The following CNTN4 variants were observed in gnomAD, a reference collection of about 807,000 sequenced individuals.
The protein encoded by CNTN4 is contactin 4.
CNTN4 carries 77 observed loss-of-function variants against 122.5 expected under a neutral mutation model. The ratio of observed to expected loss-of-function variants is 0.63; its 90% CI spans 0.52 to 0.76. The LOEUF is 0.76. Ranked by LOEUF, CNTN4 falls within the 30% of genes least tolerant of loss-of-function variation. The pLI is 0.00. For missense variants in CNTN4, 1,256 were observed against 1,259.1 expected (o/e 1.00, Z 0.04); for synonymous variants, 512 against 447.0 (o/e 1.15, Z -1.83).
chr3:2,499,079 A>G (rs1156858730), intron 3 of CNTN4, among the ~76,000 whole-genome samples: 1 of 152,212 alleles, frequency 6.6e-6, no homozygotes, highest in East Asian at 1.9e-4. Context: ...GTAAGCCACT[A>G]CACCTGGCTT....
chr3:2,925,917 A>T, intron 13 of CNTN4, 138 bp downstream of exon 13: 1 of 740,804 alleles, frequency 1.3e-6, no homozygotes, highest in Non-Finnish European at 2.2e-6. Flanking sequence ...GAAGCTTTGG[A>T]AGGATGAGTG....
chr3:2,970,480 G>T (rs1189593614), intron 13 of CNTN4, among the ~76,000 whole-genome samples: 2 of 151,818 alleles, frequency 1.3e-5, no homozygotes, highest in Non-Finnish European at 2.9e-5. Flanking sequence ...GTTTTACTCT[G>T]TTGCCCATGC....
At chr3:2,803,533 T>G (rs891450939) in intron 6 of CNTN4, among the ~76,000 whole-genome samples, 3 of 151,774 alleles carry the variant, frequency 2.0e-5, no homozygotes, top group Non-Finnish European at 4.4e-5. Context: ...AAAGAATATA[T>G]TAACTATATT....
At chr3:2,135,809 G>A (rs1023250464) in intron 2 of CNTN4, among the ~76,000 whole-genome samples, 4 of 152,158 alleles carry the variant, frequency 2.6e-5, no homozygotes, top group Admixed American at 1.3e-4. Flanking sequence ...TATGGAAAAT[G>A]GTTCCTGGTC....
chr3:3,007,746 A>T (rs1574802052), intron 14 of CNTN4, among the ~76,000 whole-genome samples: 2 of 152,192 alleles, frequency 1.3e-5, no homozygotes, highest in South Asian at 4.1e-4. Context: ...TATGGGAGCA[A>T]GATAAAAGTA....
chr3:3,021,288 A>G (rs1385316113), intron 14 of CNTN4, among the ~76,000 whole-genome samples: 5 of 152,168 alleles, frequency 3.3e-5, no homozygotes, highest in Non-Finnish European at 5.9e-5. Context: ...TTTTTATTGA[A>G]AAAATGGTGC....
chr3:2,501,015 A>G (rs1285129763), intron 3 of CNTN4, among the ~76,000 whole-genome samples: 5 of 152,110 alleles, frequency 3.3e-5, no homozygotes, highest in African/African-American at 7.2e-5. Flanking sequence ...TATGTATTTT[A>G]TATCTTTCAG....
intron 3 of CNTN4, among the ~76,000 whole-genome samples, chr3:2,512,956 G>C (rs2076932706): frequency 6.6e-6 from 1 of 152,140 alleles, no homozygotes; most frequent in Non-Finnish European, 1.5e-5. Context: ...AGAGAGAGAA[G>C]ACTCAAAATA....
At chr3:2,778,156 G>T (rs527727053) in intron 6 of CNTN4, among the ~76,000 whole-genome samples, 1 of 140,598 alleles carries the variant, frequency 7.1e-6, no homozygotes, top group African/African-American at 2.7e-5. Flanking sequence ...GGAGCTTGTG[G>T]TGAGCCGAGA....
At chr3:2,388,554 C>T (rs868554797) in intron 3 of CNTN4, among the ~76,000 whole-genome samples, 7 of 152,198 alleles carry the variant, frequency 4.6e-5, no homozygotes, top group Non-Finnish European at 8.8e-5. Flanking sequence ...AGAAATCTAC[C>T]TAACCAATGG....
chr3:2,646,619 G>A (rs931116514), intron 4 of CNTN4, among the ~76,000 whole-genome samples: 7 of 152,158 alleles, frequency 4.6e-5, no homozygotes, highest in Admixed American at 2.6e-4. Context: ...GTAAGTGTAA[G>A]AGTGTTTTAG....
intron 14 of CNTN4, among the ~76,000 whole-genome samples, chr3:3,000,045 C>G (rs1471403746): frequency 6.6e-6 from 1 of 152,104 alleles, no homozygotes; most frequent in African/African-American, 2.4e-5. Context: ...TAACAAGATA[C>G]ATCTTAATAG....
chr3:2,981,422 C>T (rs576958448), intron 13 of CNTN4, among the ~76,000 whole-genome samples: 321 of 151,732 alleles, frequency 2.1e-3, no homozygotes, highest in South Asian at 4.8e-3. Flanking sequence ...CCAGCCTGGG[C>T]GACAGAGCGA....
At chr3:2,291,319 C>T (rs1057308920) in intron 2 of CNTN4, among the ~76,000 whole-genome samples, 2 of 152,058 alleles carry the variant, frequency 1.3e-5, no homozygotes, top group African/African-American at 4.8e-5. Flanking sequence ...AGAATTCCAA[C>T]CCATATAGGA....
chr3:2,704,140 T>C (rs746937960), intron 4 of CNTN4, among the ~76,000 whole-genome samples: 2 of 151,060 alleles, frequency 1.3e-5, no homozygotes, highest in African/African-American at 2.4e-5. Context: ...CTACTAAAAA[T>C]ACAAAAATTA....
At chr3:2,153,839 A>G (rs1307973625) in intron 2 of CNTN4, among the ~76,000 whole-genome samples, 6 of 152,130 alleles carry the variant, frequency 3.9e-5, no homozygotes, top group East Asian at 1.9e-4. Context: ...GTGGAAAGTC[A>G]TGTGTAAATT....
intron 2 of CNTN4, among the ~76,000 whole-genome samples, chr3:2,246,656 A>G (rs184823384): frequency 1.1e-3 from 173 of 152,126 alleles, no homozygotes; most frequent in East Asian, 1.9e-3. Flanking sequence ...GAAAAATAAA[A>G]ATTAAAAGAC....
chr3:2,352,699 C>G (rs1045108984), intron 3 of CNTN4, among the ~76,000 whole-genome samples: 3 of 152,198 alleles, frequency 2.0e-5, no homozygotes, highest in African/African-American at 7.2e-5. Flanking sequence ...TGGCTGGAGC[C>G]TCTCCGACAG....
At position 2,326,517 on chromosome 3, in the gene CNTN4, CACACACACACAA is replaced by C. The variant is rs751209245; in HGVS notation, c.-144-12660_-144-12649del. 2.7e-3 allele frequency among the ~76,000 whole-genome samples: 375 copies of C among 140,780 alleles called. 1 individual carries two copies. The highest frequency in any genetic ancestry group is 9.5e-3 in the South Asian group (39 of 4,110). 92.4% of individuals were successfully genotyped at this position (140,780 alleles called of 152,430 possible). A position where few individuals can be genotyped will look rare whatever the true frequency, so the allele number is the denominator to read the frequency against. The stretch of plus-strand genomic sequence containing the variant: ...ACACACACACACACACACACACACA[CACACACACACAA>C]TCTTACTGATTCTGTTTCTCTGGAG... On this transcript the variant is annotated intron_variant, in intron 2 of 24. Coordinates refer to ENST00000418658, the MANE Select transcript of CNTN4 (RefSeq NM_175607.3).
Sources: gnomAD v4.1 joint callset for allele counts (sites outside exome capture counted in the v4.1 genomes callset) on GRCh38, gnomAD v4.1.1 for gene constraint, MANE v1.5 for transcripts, NCBI Gene and HGNC (gene_info 2026-07-23, HGNC 2026-07-21) for gene names.